The following CSMD3 variants were observed in gnomAD, a reference collection of about 807,000 sequenced individuals.
CSMD3 encodes the protein CUB and sushi domain-containing protein 3.
CSMD3 carries 177 observed loss-of-function variants against 435.2 expected under a neutral mutation model. The ratio of observed to expected loss-of-function variants is 0.41; its 90% confidence interval spans 0.36 to 0.46. The LOEUF (loss-of-function observed/expected upper bound fraction) is 0.46, where lower values mean the gene tolerates loss of function less well. CSMD3 is among the 20% of genes least tolerant of loss of function. The pLI is 0.34. For synonymous variants in CSMD3, 1,656 were observed against 1,520.5 expected (o/e 1.09, Z -2.07); for missense variants, 4,265 against 4,504.6 (o/e 0.95, Z 1.52).
chr8:113,408,197 G>A (rs1404475190), intron 1 of CSMD3, among the ~76,000 whole-genome samples: 6 of 152,042 alleles, frequency 3.9e-5, no homozygotes, highest in Admixed American at 2.0e-4. Flanking sequence ...AGTTCCCCAT[G>A]TGGTTCTAAT....
intron 22 of CSMD3, among the ~76,000 whole-genome samples, chr8:112,625,790 C>T (rs1324598809): frequency 6.6e-6 from 1 of 152,036 alleles, no homozygotes; most frequent in East Asian, 1.9e-4. Flanking sequence ...TTGAAAAACA[C>T]CTGCTTGAAG....
At chr8:113,225,563 A>G (rs533119320) in intron 3 of CSMD3, among the ~76,000 whole-genome samples, 2 of 151,602 alleles carry the variant, frequency 1.3e-5, no homozygotes, top group South Asian at 4.1e-4. Flanking sequence ...TGACGAGAGA[A>G]AAAAAATTCT....
chr8:112,337,985 A>G (rs1824739143), intron 42 of CSMD3, among the ~76,000 whole-genome samples: 1 of 152,180 alleles, frequency 6.6e-6, no homozygotes, highest in Non-Finnish European at 1.5e-5. Flanking sequence ...TGTGCAACCC[A>G]ACTAAATTAT....
At chr8:113,149,236 A>AT (rs768444102) in intron 4 of CSMD3, among the ~76,000 whole-genome samples, 47 of 151,872 alleles carry the variant, frequency 3.1e-4, no homozygotes, top group Non-Finnish European at 6.0e-4. Context: ...AATGCTCACC[A>AT]TAACTTTGTA....
At chr8:113,228,969 A>G (rs906004196) in intron 3 of CSMD3, among the ~76,000 whole-genome samples, 11 of 151,672 alleles carry the variant, frequency 7.3e-5, no homozygotes, top group Non-Finnish European at 1.5e-5. Context: ...ATCTAAGTAC[A>G]TAATTCACCA....
At chr8:112,939,121 T>C (rs953383028) in intron 9 of CSMD3, among the ~76,000 whole-genome samples, 2 of 152,166 alleles carry the variant, frequency 1.3e-5, no homozygotes, top group Non-Finnish European at 2.9e-5. Context: ...TGAGGAATCC[T>C]TTCCTGAAAG....
chr8:112,832,783 A>G (rs1396104591), intron 11 of CSMD3, among the ~76,000 whole-genome samples: 2 of 152,192 alleles, frequency 1.3e-5, no homozygotes, highest in Non-Finnish European at 2.9e-5. Context: ...ACTGTGAGAT[A>G]AAAAATTTAT....
intron 13 of CSMD3, among the ~76,000 whole-genome samples, chr8:112,747,384 A>G (rs557385405): frequency 8.1e-4 from 123 of 151,654 alleles, no homozygotes; most frequent in African/African-American, 2.8e-3. Context: ...AACAGGGCCA[A>G]TCCAACCACT....
chr8:112,436,481 T>C (rs1166911236), intron 32 of CSMD3, among the ~76,000 whole-genome samples: 1 of 151,860 alleles, frequency 6.6e-6, no homozygotes, highest in Non-Finnish European at 1.5e-5. Context: ...GATAGTACTA[T>C]ATACTACATC....
At chr8:113,153,125 GAGAAA>G (rs1564370951) in intron 4 of CSMD3, among the ~76,000 whole-genome samples, 48 of 59,580 alleles carry the variant, frequency 8.1e-4, no homozygotes, top group South Asian at 2.5e-3. Flanking sequence ...AAGAAAGAAA[GAGAAA>G]GAAGGAAGGA....
chr8:113,020,375 TG>T (rs1399135367), intron 5 of CSMD3, among the ~76,000 whole-genome samples: 1 of 152,098 alleles, frequency 6.6e-6, no homozygotes, highest in Non-Finnish European at 1.5e-5. Context: ...CTCCAGATAT[TG>T]GTCATGATTA....
intron 22 of CSMD3, among the ~76,000 whole-genome samples, chr8:112,620,266 G>T (rs1833966258): frequency 6.6e-6 from 1 of 152,066 alleles, no homozygotes; most frequent in Admixed American, 6.6e-5. Context: ...ACATTTGGGG[G>T]AAATTTTTGG....
chr8:112,286,508 CAAG>C (rs4030101), intron 58 of CSMD3, among the ~76,000 whole-genome samples: 5,307 of 152,138 alleles, frequency 0.035, 302 homozygotes, highest in African/African-American at 0.12. Flanking sequence ...CAAAAGATCA[CAAG>C]AAGAAGGGTG....
At chr8:112,628,269 A>G (rs1371721461) in intron 22 of CSMD3, among the ~76,000 whole-genome samples, 1 of 152,158 alleles carries the variant, frequency 6.6e-6, no homozygotes, top group Non-Finnish European at 1.5e-5. Context: ...TATTCCATAT[A>G]CAGGTACAGA....
chr8:112,226,595 G>GAAC (rs1432274917), intron 70 of CSMD3, among the ~76,000 whole-genome samples: 1 of 152,056 alleles, frequency 6.6e-6, no homozygotes, highest in Non-Finnish European at 1.5e-5. Context: ...GTACATCAAA[G>GAAC]AACACTCTCA....
chr8:113,004,316 A>G (rs2085975087), intron 6 of CSMD3, among the ~76,000 whole-genome samples: 1 of 152,044 alleles, frequency 6.6e-6, no homozygotes, highest in Non-Finnish European at 1.5e-5. Flanking sequence ...GTTTAGCCAA[A>G]GAATACAAAA....
chr8:113,315,647 TTAAA>T (rs1418460731), intron 1 of CSMD3, among the ~76,000 whole-genome samples: 3 of 148,246 alleles, frequency 2.0e-5, no homozygotes, highest in Admixed American at 1.4e-4. Context: ...CAAATGTATA[TTAAA>T]TATATATATC....
chr8:112,370,023 GGAAGAAGAA>G (rs71309767), intron 38 of CSMD3, among the ~76,000 whole-genome samples: 5,952 of 66,500 alleles, frequency 0.09, 305 homozygotes, highest in Middle Eastern at 0.19. Context: ...AAGAAGAAGA[GGAAGAAGAA>G]GAAGAAGAAG....
chr8:113,248,468 G>C (rs1195264720), intron 3 of CSMD3, among the ~76,000 whole-genome samples: 1 of 324 alleles, frequency 3.1e-3, no homozygotes, highest in Non-Finnish European at 0.011. Context: ...GTGTGTGTGT[G>C]ATATATATGT....
Sources: gnomAD v4.1 joint callset for allele counts (sites outside exome capture counted in the v4.1 genomes callset) on GRCh38, gnomAD v4.1.1 for gene constraint, MANE v1.5 for transcripts, NCBI Gene and HGNC (gene_info 2026-07-23, HGNC 2026-07-21) for gene names.